Variants in RIN3 observed in about 807,000 individuals in gnomAD.
RIN3 encodes RAB5 interacting protein 3.
Under a neutral mutation model 76.3 loss-of-function variants are expected in RIN3, and 54 were observed. The observed-to-expected ratio is 0.71, with a 90% CI of 0.57 to 0.89. The LOEUF (loss-of-function observed/expected upper bound fraction) is 0.89. RIN3 is among the 40% of genes least tolerant of loss of function. The pLI is 0.00. For synonymous variants in RIN3, 576 were observed against 564.0 expected, an observed-to-expected ratio of 1.02 and a Z score of -0.30; for missense variants, 1,256 against 1,322.1, an observed-to-expected ratio of 0.95 and a Z score of 0.78.
chr14:92,659,440 T>A lies in RIN3; in HGVS notation c.2306T>A (p.Ile769Asn), dbSNP rs1455613785. ...ISILLKTCKL[I>N]YDSMALGNPG... ...ATCCTGCTCAAGACCTGCAAACTCA[T>A]CTACGACTCCATGGCCCTCGGCAAC... is the stretch of plus-strand genomic sequence containing the variant. The change falls in exon 7 of 10, where the codon ATC (isoleucine) becomes AAC (asparagine). Residue 769 changes from isoleucine to asparagine, a missense_variant. By Grantham distance (149) the Ile-to-Asn change is moderately radical. Around this residue, in one of 3 missense-constraint regions of RIN3, gnomAD observed 428 missense variants for 521.2 expected, o/e 0.82. Coordinates refer to ENST00000216487, the MANE Select transcript of RIN3 (RefSeq NM_024832.5). 1 of 1,611,254 alleles carries A rather than the reference T, an allele frequency of 6.2e-7. No homozygotes were observed. The highest frequency in any genetic ancestry group is 8.5e-7 in the Non-Finnish European group (1 of 1,178,504).
chr14:92,664,525 G>A (rs1241408239), intron 7 of RIN3, among the ~76,000 whole-genome samples: 1 of 144,168 alleles, frequency 6.9e-6, no homozygotes, highest in Non-Finnish European at 1.5e-5. Flanking sequence ...CTGCCACCAT[G>A]CCCAGCTATT....
At chr14:92,635,714 A>G (rs1026557676) in intron 4 of RIN3, among the ~76,000 whole-genome samples, 1 of 151,910 alleles carries the variant, frequency 6.6e-6, no homozygotes, top group African/African-American at 2.4e-5. Context: ...TCAGCTGGGC[A>G]TGGTGGTGCA....
intron 1 of RIN3, among the ~76,000 whole-genome samples, chr14:92,525,194 T>C (rs1418010555): frequency 6.6e-6 from 1 of 152,116 alleles, no homozygotes; most frequent in Non-Finnish European, 1.5e-5. Flanking sequence ...CCTCTTCTAA[T>C]TTATGCAGAG....
At chr14:92,556,720 T>A (rs772285247) in intron 2 of RIN3, among the ~76,000 whole-genome samples, 13 of 152,214 alleles carry the variant, frequency 8.5e-5, no homozygotes, top group Non-Finnish European at 1.0e-4. Context: ...CTGCTTCCTT[T>A]TAAAAACAAC....
At chr14:92,548,973 G>A (rs991493608) in intron 1 of RIN3, among the ~76,000 whole-genome samples, 1 of 151,860 alleles carries the variant, frequency 6.6e-6, no homozygotes, top group Non-Finnish European at 1.5e-5. Flanking sequence ...CATGAAACAG[G>A]CAAGTTGCTG....
At chr14:92,662,436 C>T (rs945981930) in intron 7 of RIN3, among the ~76,000 whole-genome samples, 1 of 152,236 alleles carries the variant, frequency 6.6e-6, no homozygotes, top group African/African-American at 2.4e-5. Context: ...GGCTCTGCCG[C>T]TTCTCGGCTT....
intron 1 of RIN3, among the ~76,000 whole-genome samples, chr14:92,540,927 C>T (rs531195247): frequency 2.6e-5 from 4 of 152,330 alleles, no homozygotes; most frequent in Admixed American, 2.0e-4. Context: ...AGGCAGAGCC[C>T]CTGGCAGACA....
chr14:92,681,990 G>T lies in RIN3; in HGVS notation c.2468-2997G>T, dbSNP rs58086909. Among the ~76,000 whole-genome samples, 2 of 152,080 alleles carry T rather than the reference G, an allele frequency of 1.3e-5. No individual in the cohort carries two copies. Among genetic ancestry groups the T allele is most frequent in the Admixed American group, 1.3e-4 (2 of 15,284 alleles). On this transcript the variant is annotated intron_variant, in intron 8 of 9. Coordinates refer to ENST00000216487, the MANE Select transcript of RIN3 (RefSeq NM_024832.5). The surrounding 1 kb of genome is among the most constrained non-coding windows in gnomAD (Gnocchi z 4.7). ...CAACCTCTGCCTCTCAGGTTCAAGCGATTCTCCTGTCTCAGCCTCCAGAGT... is the reference window on the plus strand; with the variant it reads ...CAACCTCTGCCTCTCAGGTTCAAGCTATTCTCCTGTCTCAGCCTCCAGAGT...
intron 1 of RIN3, among the ~76,000 whole-genome samples, chr14:92,516,790 T>A (rs577256037): frequency 2.0e-5 from 3 of 152,146 alleles, no homozygotes; most frequent in Non-Finnish European, 2.9e-5. Context: ...GGGTCCCTGA[T>A]CTGTGATCTT....
chr14:92,535,958 C>T (rs762336934), intron 1 of RIN3, among the ~76,000 whole-genome samples: 3 of 151,994 alleles, frequency 2.0e-5, no homozygotes, highest in Non-Finnish European at 2.9e-5. Flanking sequence ...AGTTGGATAC[C>T]CAGTTGTTCA....
At chr14:92,671,138 T>C (rs1239070558) in intron 7 of RIN3, among the ~76,000 whole-genome samples, 2 of 151,984 alleles carry the variant, frequency 1.3e-5, no homozygotes, top group Non-Finnish European at 2.9e-5. Context: ...TCAGAGAGGG[T>C]TAGTGACTCA....
intron 4 of RIN3, among the ~76,000 whole-genome samples, chr14:92,637,416 A>G (rs1199612834): frequency 3.9e-5 from 6 of 152,160 alleles, no homozygotes; most frequent in Admixed American, 2.0e-4. Flanking sequence ...GATGGGGAGC[A>G]GCTGTCAAGA....
chr14:92,641,188 A>C (rs1478503023), intron 4 of RIN3, 50 bp from the exon 5 acceptor site: 1 of 1,388,252 alleles, frequency 7.2e-7, no homozygotes, highest in Admixed American at 1.7e-5. Flanking sequence ...GGAGGCTGGG[A>C]ATGGACACGG....
chr14:92,659,211 G>A lies in RIN3; in HGVS notation c.2077G>A (p.Glu693Lys). Residue 693 changes from glutamate to lysine, a missense_variant, in exon 7 of 10, where the codon GAA becomes AAA. Glu to Lys is a moderately conservative substitution (Grantham distance 56). This residue lies in a region of RIN3 where 428 missense variants were observed against 521.2 expected (regional missense o/e 0.82). Transcript: ENST00000216487. ...LYKCVLKPLK[E>K]AINSCLHQIH... is the part of the protein sequence containing the mutation. ...CAAATGTGTCCTGAAGCCCCTGAAGGAAGCCATCAACTCATGCCTGCATCA... is the reference window on the plus strand; with the variant it reads ...CAAATGTGTCCTGAAGCCCCTGAAGAAAGCCATCAACTCATGCCTGCATCA... The A allele has an allele frequency of 1.2e-6, 2 of 1,614,192 alleles. No individual in the cohort carries two copies. Among genetic ancestry groups the A allele is most frequent in the East Asian group, 2.2e-5 (1 of 44,882 alleles).
intron 8 of RIN3, among the ~76,000 whole-genome samples, chr14:92,678,466 C>G (rs1304391416): frequency 5.5e-5 from 7 of 127,212 alleles, no homozygotes; most frequent in Non-Finnish European, 1.0e-4. Context: ...CCCACCTACC[C>G]ATCCACCCAC....
intron 5 of RIN3, chr14:92,650,920 ATT>A (rs1453914888): frequency 6.6e-6 from 1 of 152,190 alleles, no homozygotes; most frequent in Non-Finnish European, 1.5e-5. Flanking sequence ...CCAGCTTCTT[ATT>A]TTAAGCTCGA....
At chr14:92,624,414 G>A (rs1033554607) in intron 4 of RIN3, among the ~76,000 whole-genome samples, 1 of 152,138 alleles carries the variant, frequency 6.6e-6, no homozygotes, top group Non-Finnish European at 1.5e-5. Context: ...ATTTGCACCG[G>A]GTTACATTGG....
rs958534820 is a variant in RIN3 at position 92,581,146 on chromosome 14, C to G, written c.367+3669C>G. Among the ~76,000 whole-genome samples the G allele has an allele frequency of 2.0e-5, 3 of 152,320 alleles. No homozygotes were observed. In the South Asian group the frequency reaches 6.2e-4, roughly 32 times the overall value. ...GGCTGTTTGGGGCATCCACTGTTCT[C>G]CAAGAACCAGAGTCTCTTCTCATTT... On this transcript the variant is annotated intron_variant, in intron 3 of 9. Coordinates refer to ENST00000216487, the MANE Select transcript of RIN3 (RefSeq NM_024832.5).
intron 1 of RIN3, among the ~76,000 whole-genome samples, chr14:92,541,549 A>G (rs551252841): frequency 6.6e-6 from 1 of 152,390 alleles, no homozygotes; most frequent in African/African-American, 2.4e-5. Flanking sequence ...AAACAATTCA[A>G]TGGAGAAAGA....
Sources: allele counts gnomAD v4.1 joint callset (sites outside exome capture counted in the v4.1 genomes callset), GRCh38; gene constraint gnomAD v4.1.1; regional missense constraint gnomAD v4.1.1; non-coding constraint Gnocchi (gnomAD v3.1); transcripts MANE v1.5; gene names NCBI Gene and HGNC (gene_info 2026-07-23, HGNC 2026-07-21).